The following CUX1 variants were observed in gnomAD, a reference collection of about 807,000 sequenced individuals.
CUX1 encodes cut like homeobox 1.
In CUX1, 31 loss-of-function variants were observed where a neutral mutation model predicts 158.8. That is an observed-to-expected ratio of 0.20 (90% CI 0.15 to 0.26). CUX1 has a LOEUF of 0.26. Among genes scored for constraint, CUX1 ranks in the 10% least tolerant of loss-of-function variants. The pLI, the probability that CUX1 is intolerant of heterozygous loss-of-function variation, is 1.00. For synonymous variants in CUX1, 879 were observed against 862.1 expected (o/e 1.02, Z -0.34); for missense variants, 1,589 against 2,014.6 (o/e 0.79, Z 4.04).
chr7:101,984,426 A>T, intron 2 of CUX1, among the ~76,000 whole-genome samples: 1 of 151,268 alleles, frequency 6.6e-6, no homozygotes, highest in Admixed American at 6.6e-5. Context: ...CCTAGTACAC[A>T]AAGGACGGTG....
intron 2 of CUX1, among the ~76,000 whole-genome samples, chr7:101,927,567 T>G (rs1443505328): frequency 6.6e-6 from 1 of 152,102 alleles, no homozygotes. Context: ...GGAGGATCCC[T>G]TGAGCCCAGG....
At chr7:102,183,752 C>A (rs1311253897) in intron 11 of CUX1, among the ~76,000 whole-genome samples, 2 of 152,210 alleles carry the variant, frequency 1.3e-5, no homozygotes, top group African/African-American at 4.8e-5. Flanking sequence ...TGGAGCCTGG[C>A]CCCATTTATC....
At chr7:102,103,000 A>C (rs1176589263) in intron 5 of CUX1, among the ~76,000 whole-genome samples, 2 of 152,096 alleles carry the variant, frequency 1.3e-5, no homozygotes, top group East Asian at 1.9e-4. Flanking sequence ...CCATTCATCA[A>C]ATCCGCTTTG....
chr7:102,004,197 A>G (rs1466604779), intron 2 of CUX1, among the ~76,000 whole-genome samples: 3 of 152,148 alleles, frequency 2.0e-5, no homozygotes, highest in African/African-American at 4.8e-5. Context: ...CTGTTACCAC[A>G]TGGTTTGATT....
In CUX1 at chr7:102,251,425, T is replaced by G; in HGVS notation, c.*2383T>G. ...CTGCAGCTGCAGCACTTAGTTCACG[T>G]TTTCACAAATTTCAAGAGTCACTAC... On this transcript the variant is annotated 3_prime_UTR_variant, in exon 24 of 24. Transcript: ENST00000292535. 1 of 985,426 alleles carries G rather than the reference T, an allele frequency of 1.0e-6. No homozygotes were observed. The highest frequency in any genetic ancestry group is 1.2e-6 in the Non-Finnish European group (1 of 829,930). 61.0% of individuals were successfully genotyped at this position (985,426 alleles called of 1,614,324 possible).
At chr7:102,003,663 C>T (rs572482135) in intron 2 of CUX1, among the ~76,000 whole-genome samples, 1 of 152,302 alleles carries the variant, frequency 6.6e-6, no homozygotes, top group South Asian at 2.1e-4. Context: ...TCTGATTTCT[C>T]ATCCCTGGAA....
rs112554909 is a variant in CUX1, at chr7:102,220,728, C to T, written c.3131-6639C>T. Reference sequence around the variant, plus strand: ...AGTCCCCGCCACCTCCAGGCCCATCCCTCCCTCGGGCTCTCCTTTCCTCTC... The same window carrying T: ...AGTCCCCGCCACCTCCAGGCCCATCTCTCCCTCGGGCTCTCCTTTCCTCTC... On this transcript the variant is annotated intron_variant, in intron 20 of 23. Transcript: ENST00000292535. Among the ~76,000 whole-genome samples, 398 of 152,210 alleles carry T rather than the reference C, an allele frequency of 2.6e-3. 2 individuals carry two copies. Among genetic ancestry groups the T allele is most frequent in the African/African-American group, 9.2e-3 (382 of 41,482 alleles).
At chr7:101,891,683 A>G (rs1800893824) in intron 1 of CUX1, among the ~76,000 whole-genome samples, 1 of 152,188 alleles carries the variant, frequency 6.6e-6, no homozygotes, top group Non-Finnish European at 1.5e-5. Context: ...ACCATCCAGA[A>G]TGTGACTTCT....
chr7:102,100,918 G>GT (rs1362710806), intron 5 of CUX1, among the ~76,000 whole-genome samples: 3 of 152,228 alleles, frequency 2.0e-5, no homozygotes, highest in African/African-American at 7.2e-5. Context: ...TCTGCAGGCT[G>GT]TATGAGCACG....
intron 1 of CUX1, among the ~76,000 whole-genome samples, chr7:101,893,010 A>T (rs1801053418): frequency 6.6e-6 from 1 of 152,094 alleles, no homozygotes; most frequent in South Asian, 2.1e-4. Context: ...TTAAGAGAGG[A>T]GAGAAATACC....
At chr7:102,057,884 G>A (rs1273410126) in intron 3 of CUX1, among the ~76,000 whole-genome samples, 1 of 152,242 alleles carries the variant, frequency 6.6e-6, no homozygotes, top group Non-Finnish European at 1.5e-5. Context: ...AAGTTCTACT[G>A]TGGGTAAAAA....
chr7:102,039,660 C>CAAAAA (rs951801289), intron 3 of CUX1, among the ~76,000 whole-genome samples: 1 of 90,360 alleles, frequency 1.1e-5, no homozygotes, highest in African/African-American at 4.4e-5. Context: ...GTCTCTATTT[C>CAAAAA]AAAAAAAAAA....
chr7:102,157,502 G>A (rs754525270), intron 8 of CUX1, among the ~76,000 whole-genome samples: 63 of 152,288 alleles, frequency 4.1e-4, no homozygotes, highest in Middle Eastern at 6.8e-3. Flanking sequence ...TCTCCAGGCC[G>A]GGCGCGGTGG....
At chr7:102,162,669 C>T (rs1554507564) in intron 9 of CUX1, among the ~76,000 whole-genome samples, 2 of 152,186 alleles carry the variant, frequency 1.3e-5, no homozygotes, top group Admixed American at 1.3e-4. Flanking sequence ...CACATGCCAC[C>T]ACACCCAGCT....
At chr7:102,035,603 C>A (rs1585360395) in intron 3 of CUX1, among the ~76,000 whole-genome samples, 1 of 87,210 alleles carries the variant, frequency 1.1e-5, no homozygotes. Flanking sequence ...GTATCAGCAG[C>A]AAACTTAAAA....
At chr7:101,888,072 G>A (rs758792396) in intron 1 of CUX1, among the ~76,000 whole-genome samples, 1 of 152,078 alleles carries the variant, frequency 6.6e-6, no homozygotes, top group Non-Finnish European at 1.5e-5. Flanking sequence ...GGTGGCTCAC[G>A]CCTGTAATCT....
intron 2 of CUX1, among the ~76,000 whole-genome samples, chr7:101,917,851 T>A (rs1804406435): frequency 6.6e-6 from 1 of 152,164 alleles, no homozygotes; most frequent in Admixed American, 6.6e-5. Flanking sequence ...ATCTTAGAGG[T>A]TTGGCTGGGC....
chr7:101,881,273 T>C (rs1325916307), intron 1 of CUX1, among the ~76,000 whole-genome samples: 1 of 152,236 alleles, frequency 6.6e-6, no homozygotes, highest in East Asian at 1.9e-4. Context: ...TTGCCCTGTA[T>C]CAGGCCAAGA....
intron 2 of CUX1, among the ~76,000 whole-genome samples, chr7:102,000,558 T>A (rs530084067): frequency 7.9e-5 from 12 of 152,324 alleles, no homozygotes; most frequent in African/African-American, 2.9e-4. Context: ...ATGACTCTGG[T>A]CCTGCTTTAG....
Sources: allele counts gnomAD v4.1 joint callset (sites outside exome capture counted in the v4.1 genomes callset), GRCh38; gene constraint gnomAD v4.1.1; transcripts MANE v1.5; gene names NCBI Gene and HGNC (gene_info 2026-07-23, HGNC 2026-07-21).